KCNB2: variants seen among roughly 807,000 people sequenced by gnomAD.
The protein encoded by KCNB2 is potassium voltage-gated channel subfamily B member 2.
In KCNB2, 15 loss-of-function variants were observed where a neutral mutation model predicts 61.5. That is an observed-to-expected ratio of 0.24 (90% CI 0.16 to 0.38). The LOEUF is 0.38. Ranked by LOEUF, KCNB2 falls within the 10% of genes least tolerant of loss-of-function variation. The probability of loss-of-function intolerance (pLI) is 1.00; values close to 1 mark genes in which losing one functional copy is unlikely to be tolerated. For missense variants in KCNB2, 828 were observed against 1,125.2 expected, an observed-to-expected ratio of 0.74 and a Z score of 3.78; for synonymous variants, 457 against 446.0, an observed-to-expected ratio of 1.02 and a Z score of -0.31.
At chr8:72,557,521 C>T (rs1806447939) in intron 1 of KCNB2, among the ~76,000 whole-genome samples, 1 of 152,144 alleles carries the variant, frequency 6.6e-6, no homozygotes, top group Admixed American at 6.6e-5. Flanking sequence ...TGAGTATAAG[C>T]TGAGAAATGG....
chr8:72,742,877 A>T (rs1189729102), intron 2 of KCNB2, among the ~76,000 whole-genome samples: 1 of 152,130 alleles, frequency 6.6e-6, no homozygotes, highest in Non-Finnish European at 1.5e-5. Context: ...CTGTATTTTT[A>T]AAAAATGATA....
At chr8:72,842,127 A>C (rs1475324114) in intron 2 of KCNB2, among the ~76,000 whole-genome samples, 1 of 95,720 alleles carries the variant, frequency 1.0e-5, no homozygotes, top group East Asian at 2.4e-4. Flanking sequence ...TTGAGAGTTG[A>C]GAGTTTTTAG....
At chr8:72,710,604 G>C (rs1807311028) in intron 2 of KCNB2, among the ~76,000 whole-genome samples, 1 of 152,134 alleles carries the variant, frequency 6.6e-6, no homozygotes, top group African/African-American at 2.4e-5. Flanking sequence ...GCCTCACACT[G>C]AGCTGACTTA....
chr8:72,860,098 A>T (rs928843444), intron 2 of KCNB2, among the ~76,000 whole-genome samples: 2 of 152,158 alleles, frequency 1.3e-5, no homozygotes, highest in African/African-American at 4.8e-5. Context: ...GCTGATGGGC[A>T]TTTATGTTGA....
At chr8:72,845,676 G>C (rs1303622815) in intron 2 of KCNB2, among the ~76,000 whole-genome samples, 1 of 152,238 alleles carries the variant, frequency 6.6e-6, no homozygotes, top group East Asian at 1.9e-4. Context: ...GGCTATAGCA[G>C]CTTTGCCGAG....
intron 2 of KCNB2, among the ~76,000 whole-genome samples, chr8:72,932,258 T>C (rs1301199132): frequency 6.6e-6 from 1 of 152,230 alleles, no homozygotes; most frequent in Non-Finnish European, 1.5e-5. Context: ...TTCCAGAGCT[T>C]ATATACCTTC....
rs113260475 is a variant in KCNB2 at position 72,700,835 on chromosome 8, G to T, written c.579+132522G>T. Among the ~76,000 whole-genome samples, 246 of 152,202 alleles carry T rather than the reference G, an allele frequency of 1.6e-3. 2 individuals are homozygous for T. Among genetic ancestry groups the T allele is most frequent in the African/African-American group, 5.6e-3 (234 of 41,522 alleles). On this transcript the variant is annotated intron_variant, in intron 2 of 2. Coordinates refer to ENST00000523207, the MANE Select transcript of KCNB2 (RefSeq NM_004770.3). The stretch of plus-strand genomic sequence containing the variant: ...TATAACAAAGATATGAAATCAACCC[G>T]AGTGTCCATCAGGGATTGGATAAAG...
At chr8:72,841,724 G>GCTCT (rs1809891431) in intron 2 of KCNB2, among the ~76,000 whole-genome samples, 2 of 148,344 alleles carry the variant, frequency 1.3e-5, no homozygotes, top group Admixed American at 6.6e-5. Flanking sequence ...TCATGATTTG[G>GCTCT]CTGTCTGTCT....
At chr8:72,874,413 C>G (rs114156636) in intron 2 of KCNB2, among the ~76,000 whole-genome samples, 1 of 152,216 alleles carries the variant, frequency 6.6e-6, no homozygotes, top group African/African-American at 2.4e-5. Context: ...TGGGATTCAC[C>G]AGCTGCAGCA....
intron 1 of KCNB2, among the ~76,000 whole-genome samples, chr8:72,544,111 C>G (rs895099407): frequency 3.3e-5 from 5 of 152,136 alleles, no homozygotes; most frequent in African/African-American, 9.7e-5. Context: ...GAAGTGACAT[C>G]TAAGTTCATT....
At chr8:72,660,099 C>G (rs1806354818) in intron 2 of KCNB2, among the ~76,000 whole-genome samples, 1 of 152,164 alleles carries the variant, frequency 6.6e-6, no homozygotes, top group African/African-American at 2.4e-5. Context: ...TGTATAATCA[C>G]TTAACAGCAA....
chr8:72,628,400 G>GT lies in KCNB2; in HGVS notation c.579+60087_579+60088insT, dbSNP rs869118528. The stretch of plus-strand genomic sequence containing the variant: ...ATTATGCAGATTTCTCCTGTTAGGG[G>GT]GTGTGTGTGTGTGTGTGTGTGTGTG... On this transcript the variant is annotated intron_variant, in intron 2 of 2. Transcript: ENST00000523207. 5.8e-3 allele frequency among the ~76,000 whole-genome samples: 275 copies of GT among 47,346 alleles called. 2 individuals carry two copies. The highest frequency in any genetic ancestry group is 0.012 in the African/African-American group (186 of 15,860). 31.1% of individuals were successfully genotyped at this position (47,346 alleles called of 152,430 possible).
chr8:72,709,058 C>T (rs959086728), intron 2 of KCNB2, among the ~76,000 whole-genome samples: 9 of 152,146 alleles, frequency 5.9e-5, no homozygotes, highest in African/African-American at 1.9e-4. Context: ...AGAGACACAT[C>T]GTTCACCCTT....
At chr8:72,680,467 G>A (rs1301750762) in intron 2 of KCNB2, among the ~76,000 whole-genome samples, 1 of 152,200 alleles carries the variant, frequency 6.6e-6, no homozygotes, top group East Asian at 1.9e-4. Flanking sequence ...TTTTGATCCA[G>A]AATGGGACAT....
chr8:72,541,266 TATAAA>T (rs1274423756), intron 1 of KCNB2, among the ~76,000 whole-genome samples: 1 of 151,960 alleles, frequency 6.6e-6, no homozygotes, highest in Non-Finnish European at 1.5e-5. Flanking sequence ...TATTGACGTA[TATAAA>T]ATAAAGTTAT....
chr8:72,658,010 T>C (rs917720181), intron 2 of KCNB2, among the ~76,000 whole-genome samples: 3 of 152,160 alleles, frequency 2.0e-5, no homozygotes, highest in African/African-American at 7.2e-5. Context: ...CCCAGCAATA[T>C]TGAAATTAGG....
chr8:72,737,834 T>G (rs534476638), intron 2 of KCNB2, among the ~76,000 whole-genome samples: 33 of 152,234 alleles, frequency 2.2e-4, no homozygotes, highest in African/African-American at 7.7e-4. Context: ...ACTCCTAACA[T>G]TTGTTTTTCA....
At chr8:72,886,109 A>T (rs1310634439) in intron 2 of KCNB2, among the ~76,000 whole-genome samples, 1 of 152,228 alleles carries the variant, frequency 6.6e-6, no homozygotes, top group Non-Finnish European at 1.5e-5. Flanking sequence ...TTTAAAGATG[A>T]TGTTTAGATC....
At chr8:72,561,725 A>ATCTATC (rs1273535594) in intron 1 of KCNB2, among the ~76,000 whole-genome samples, 5 of 28,358 alleles carry the variant, frequency 1.8e-4, no homozygotes, top group African/African-American at 1.1e-3. Flanking sequence ...ATATATATAT[A>ATCTATC]TATCTATATC....
Sources: gnomAD v4.1 joint callset for allele counts (sites outside exome capture counted in the v4.1 genomes callset) on GRCh38, gnomAD v4.1.1 for gene constraint, MANE v1.5 for transcripts, NCBI Gene and HGNC (gene_info 2026-07-23, HGNC 2026-07-21) for gene names.